AHSG: variants seen among roughly 807,000 people sequenced by gnomAD.
AHSG encodes the protein alpha 2-HS glycoprotein.
Under a neutral mutation model 30.1 loss-of-function variants are expected in AHSG, and 23 were observed. The ratio of observed to expected loss-of-function variants is 0.76; its 90% CI spans 0.55 to 1.08. The LOEUF (loss-of-function observed/expected upper bound fraction) is 1.08. Among genes scored for constraint, AHSG ranks in the 50% least tolerant of loss-of-function variants. The pLI is 0.00. For synonymous variants in AHSG, 164 were observed against 186.3 expected, an observed-to-expected ratio of 0.88 and a Z score of 0.98; for missense variants, 469 against 459.5, an observed-to-expected ratio of 1.02 and a Z score of -0.19.
At chr3:186,616,365 G>A in intron 2 of AHSG, 78 bp from the exon 3 acceptor site, 2 of 1,153,014 alleles carry the variant, frequency 1.7e-6, no homozygotes, top group South Asian at 2.8e-5. Context: ...GGTCACCTTT[G>A]ACAGCCGTGC....
In AHSG at chr3:186,619,849, G is replaced by A; in HGVS notation, c.676-8G>A. 6 of 1,604,826 alleles carry A rather than the reference G, an allele frequency of 3.7e-6. No individual in the cohort carries two copies. The South Asian group carries it at 6.7e-5, about 18-fold the overall frequency. ...TAGTTAAAATAAATCCTCTTTCTCT[G>A]TGGGCAGCAATATGGCTTTTGTAAG... On this transcript the variant is annotated splice_region_variant and splice_polypyrimidine_tract_variant and intron_variant, in intron 5 of 6. Transcript: ENST00000411641.
chr3:186,615,608 A>G (rs766527392), intron 1 of AHSG, 77 bp from the exon 2 acceptor site: 171 of 1,197,642 alleles, frequency 1.4e-4, no homozygotes, highest in African/African-American at 2.8e-4. Flanking sequence ...CTCAAGCCCA[A>G]TGAGGGCGCA....
rs1716203773 is a variant in AHSG at position 186,613,371 on chromosome 3, T to C, written c.213+17T>C. On this transcript the variant is annotated intron_variant, in intron 1 of 6. Transcript: ENST00000411641. ...TGGCCTCAGGTAAGTGGACCTGCTG[T>C]CTATGAGCTGAAATAATGTGTACAT... The C allele has an allele frequency of 6.3e-7, 1 of 1,596,032 alleles. No homozygotes were observed. The highest frequency in any genetic ancestry group is 1.3e-5 in the African/African-American group (1 of 74,582).
intron 4 of AHSG, among the ~76,000 whole-genome samples, chr3:186,618,326 G>A (rs531811411): frequency 3.3e-5 from 5 of 152,290 alleles, no homozygotes; most frequent in Non-Finnish European, 7.4e-5. Flanking sequence ...CTACAAGGAA[G>A]ACACAACCCC....
chr3:186,613,397 G>A (rs986506968), intron 1 of AHSG, 43 bp downstream of exon 1: 9 of 1,527,704 alleles, frequency 5.9e-6, no homozygotes, highest in Non-Finnish European at 8.0e-6. Context: ...ATGTGTACAT[G>A]GAGCTCAATC....
chr3:186,620,714 C>T lies in AHSG; in HGVS notation c.888C>T (p.Asp296=). Residue 296 remains aspartate (D), a synonymous_variant, in exon 7 of 7, where the codon GAC becomes GAT. Transcript: ENST00000411641. ...PGLPPAGSPP[D]SHVLLAAPPG... Reference sequence around the variant, plus strand: ...TCCCTCCAGCTGGCTCACCCCCAGACTCCCATGTGTTACTGGCAGCTCCTC... The same window carrying T: ...TCCCTCCAGCTGGCTCACCCCCAGATTCCCATGTGTTACTGGCAGCTCCTC... 1.2e-6 allele frequency: 2 copies of T among 1,614,216 alleles called. No individual in the cohort carries two copies. The highest frequency in any genetic ancestry group is 2.2e-5 in the South Asian group (2 of 91,086).
Position 186,619,864 on chromosome 3 carries a change from G to A in AHSG, c.683G>A (p.Gly228Asp). 6.2e-7 allele frequency: 1 copy of A among 1,611,388 alleles called. No individual in the cohort carries two copies. The highest frequency in any genetic ancestry group is 1.1e-5 in the South Asian group (1 of 90,790). ...CTCTTTCTCTGTGGGCAGCAATATG[G>A]CTTTTGTAAGGCAACACTCAGTGAG... Reference protein sequence around the residue: ...KCNLLAEKQYGFCKATLSEKL... With the variant: ...KCNLLAEKQYDFCKATLSEKL... Residue 228 changes from glycine to aspartate, a missense_variant, in exon 6 of 7, where the codon GGC (glycine) becomes GAC (aspartate). By Grantham distance (94) the Gly-to-Asp change is moderately conservative (BLOSUM62 -1). Transcript: ENST00000411641.
chr3:186,618,723 G>A (rs1716388275), intron 5 of AHSG, 86 bp downstream of exon 5: 1 of 1,534,948 alleles, frequency 6.5e-7, no homozygotes. Flanking sequence ...GTATCTTGGG[G>A]CTGCAGACAG....
chr3:186,620,015 T>A, intron 6 of AHSG, 75 bp downstream of exon 6: 1 of 1,103,060 alleles, frequency 9.1e-7, no homozygotes, highest in Non-Finnish European at 1.3e-6. Context: ...AGTGCAGTAG[T>A]GATGACAGGA....
Position 186,613,363 on chromosome 3 carries a change from A to AAC in AHSG, c.213+9_213+10insAC. On this transcript the variant is annotated intron_variant, in intron 1 of 6. Coordinates refer to ENST00000411641, the MANE Select transcript of AHSG (RefSeq NM_001622.4). ...TAAAGGTGTGGCCTCAGGTAAGTGG[A>AAC]CCTGCTGTCTATGAGCTGAAATAAT... The AAC allele has an allele frequency of 6.2e-7, 1 of 1,605,484 alleles. No homozygotes were observed. Among genetic ancestry groups the AAC allele is most frequent in the Non-Finnish European group, 8.5e-7 (1 of 1,175,216 alleles).
intron 4 of AHSG, among the ~76,000 whole-genome samples, chr3:186,618,255 C>T (rs916879275): frequency 3.9e-5 from 6 of 152,166 alleles, no homozygotes; most frequent in African/African-American, 9.7e-5. Flanking sequence ...CTTCTGATTC[C>T]GGTTTCCTAT....
In AHSG at chr3:186,619,923, A is replaced by T; in HGVS notation, c.742A>T (p.Met248Leu). 6.2e-7 allele frequency: 1 copy of T among 1,612,766 alleles called. No individual in the cohort carries two copies. Among genetic ancestry groups the T allele is most frequent in the Non-Finnish European group, 8.5e-7 (1 of 1,179,616 alleles). The change falls in exon 6 of 7, where the codon ATG becomes TTG. Residue 248 changes from methionine (M) to leucine (L), a missense_variant. Met to Leu is a conservative substitution (Grantham distance 15, BLOSUM62 2). Transcript: ENST00000411641. ...TGGGGCAGAGGTTGCAGTGACCTGC[A>T]TGGTGTTCCAAACACAGGTAACAGC... ...LGGAEVAVTCMVFQTQPVSSQ... is the reference protein window; with the variant it reads ...LGGAEVAVTCLVFQTQPVSSQ...
chr3:186,618,672 G>A (rs375549260), intron 5 of AHSG, 35 bp downstream of exon 5: 46 of 1,608,944 alleles, frequency 2.9e-5, no homozygotes, highest in African/African-American at 1.3e-4. Flanking sequence ...GTTACCACTC[G>A]GACAGAGCTG....
Position 186,617,181 on chromosome 3 carries a change from G to C in AHSG, c.410-6G>C, listed in dbSNP as rs950376001. ...GCCCACATCCTGGTTTCCTCTCTCCGAGCAGACTCAGCCGAGGACGTGCGC... is the reference window on the plus strand; with the variant it reads ...GCCCACATCCTGGTTTCCTCTCTCCCAGCAGACTCAGCCGAGGACGTGCGC... On this transcript the variant is annotated splice_polypyrimidine_tract_variant and splice_region_variant and intron_variant, in intron 3 of 6. Transcript: ENST00000411641. 5.6e-6 allele frequency: 9 copies of C among 1,606,910 alleles called. No homozygotes were observed. The highest frequency in any genetic ancestry group is 6.8e-6 in the Non-Finnish European group (8 of 1,176,384).
intron 1 of AHSG, among the ~76,000 whole-genome samples, chr3:186,613,931 CTT>C (rs111804148): frequency 4.3e-5 from 6 of 138,974 alleles, no homozygotes; most frequent in Admixed American, 7.0e-5. Flanking sequence ...TTGTTTTTGT[CTT>C]TTTTTTTTTG....
Position 186,620,649 on chromosome 3 carries a change from C to T in AHSG, c.823C>T (p.Pro275Ser). The change falls in exon 7 of 7, where the codon CCA becomes TCA. Residue 275 changes from proline (P) to serine (S), a missense_variant. Transcript: ENST00000411641. ...NEAVPTPVVDPDAPPSPPLGA... is the reference protein window; with the variant it reads ...NEAVPTPVVDSDAPPSPPLGA... ...AGCAGTCCCCACACCCGTGGTGGAC[C>T]CAGATGCACCTCCGTCCCCTCCACT... 1 of 1,614,000 alleles carries T rather than the reference C, an allele frequency of 6.2e-7. No homozygotes were observed. Among genetic ancestry groups the T allele is most frequent in the African/African-American group, 1.3e-5 (1 of 74,998 alleles).
Position 186,615,690 on chromosome 3 carries a change from C to T in AHSG, c.219C>T (p.Pro73=), listed in dbSNP as rs753858326. 2 of 1,613,948 alleles carry T rather than the reference C, an allele frequency of 1.2e-6. No homozygotes were observed. Among genetic ancestry groups the T allele is most frequent in the African/African-American group, 1.3e-5 (1 of 74,938 alleles). Residue 73 remains proline (P), a synonymous_variant, in exon 2 of 7, where the codon CCC becomes CCT. Transcript: ENST00000411641. ...IDEVKVWPQQ[P]SGELFEIEID... is the part of the protein sequence containing the mutation. ...TTCACTCTTTGTCTCCACAGCAGCCCTCCGGAGAGCTGTTTGAGATTGAAA... is the reference window on the plus strand; with the variant it reads ...TTCACTCTTTGTCTCCACAGCAGCCTTCCGGAGAGCTGTTTGAGATTGAAA...
At position 186,613,275 on chromosome 3, in the gene AHSG, T is replaced by C. The variant is rs763034104; in HGVS notation, c.134T>C (p.Ile45Thr). 2 of 1,614,214 alleles carry C rather than the reference T, an allele frequency of 1.2e-6. No individual in the cohort carries two copies. Among genetic ancestry groups the C allele is most frequent in the Non-Finnish European group, 1.7e-6 (2 of 1,180,036 alleles). Residue 45 changes from isoleucine (I) to threonine (T), a missense_variant, in exon 1 of 7, where the codon ATA becomes ACA. Physicochemically the swap from Ile to Thr is moderately conservative, Grantham distance 89. Coordinates refer to ENST00000411641, the MANE Select transcript of AHSG (RefSeq NM_001622.4). ...ACTGAGGAAGCAGCTCTGGTGGCTATAGACTACATCAATCAAAACCTTCCT... is the reference window on the plus strand; with the variant it reads ...ACTGAGGAAGCAGCTCTGGTGGCTACAGACTACATCAATCAAAACCTTCCT... ...PETEEAALVA[I>T]DYINQNLPWG...
chr3:186,619,612 T>C (rs926509170), intron 5 of AHSG, among the ~76,000 whole-genome samples: 3 of 152,128 alleles, frequency 2.0e-5, no homozygotes, highest in Admixed American at 1.3e-4. Flanking sequence ...AAGAAAGAAA[T>C]GCATCAATGT....
Sources: gnomAD v4.1 joint callset for allele counts (sites outside exome capture counted in the v4.1 genomes callset) on GRCh38, gnomAD v4.1.1 for gene constraint, MANE v1.5 for transcripts, NCBI Gene and HGNC (gene_info 2026-07-23, HGNC 2026-07-21) for gene names.